The following TECR variants were observed in gnomAD, a reference collection of about 807,000 sequenced individuals.
The protein encoded by TECR is very-long-chain enoyl-CoA reductase.
TECR carries 19 observed loss-of-function variants against 50.6 expected under a neutral mutation model. The observed-to-expected ratio is 0.38, with a 90% confidence interval of 0.26 to 0.55. The LOEUF is 0.55. Ranked by LOEUF, TECR falls within the 20% of genes least tolerant of loss-of-function variation. The pLI, the probability that TECR is intolerant of heterozygous loss-of-function variation, is 0.79. For missense variants in TECR, 313 were observed against 408.3 expected (o/e 0.77, Z 2.01); for synonymous variants, 168 against 163.5 (o/e 1.03, Z -0.21).
chr19:14,543,419 A>ATATATTTTTTTTTTTTT (rs1568406034), intron 1 of TECR, among the ~76,000 whole-genome samples: 1 of 21,892 alleles, frequency 4.6e-5, no homozygotes, highest in African/African-American at 2.4e-4. Context: ...ATATATATAT[A>ATATATTTTTTTTTTTTT]TTTTTTTTTT....
intron 9 of TECR, 30 bp from the exon 10 acceptor site, chr19:14,565,036 G>A (rs2074034175): frequency 3.1e-6 from 5 of 1,613,866 alleles, no homozygotes; most frequent in African/African-American, 1.3e-5. Flanking sequence ...GAGTCTGGGC[G>A]GCCCTAGGCT....
chr19:14,564,928 C>T (rs1270813075), intron 8 of TECR, 21 bp from the exon 9 acceptor site: 1 of 1,614,000 alleles, frequency 6.2e-7, no homozygotes, highest in African/African-American at 1.3e-5. Context: ...TCATGGGCTC[C>T]CCTCCCTGCT....
Position 14,563,002 on chromosome 19 carries a change from G to A in TECR, c.67-204G>A. 1 of 638,740 alleles carries A rather than the reference G, an allele frequency of 1.6e-6. No homozygotes were observed. The highest frequency in any genetic ancestry group is 2.7e-5 in the East Asian group (1 of 36,434). 39.6% of individuals were successfully genotyped at this position (638,740 alleles called of 1,614,324 possible). A position where few individuals can be genotyped will look rare whatever the true frequency, so the allele number is the denominator to read the frequency against. On this transcript the variant is annotated intron_variant, in intron 2 of 12. Transcript: ENST00000215567. This position sits in a 1 kb window ranked among gnomAD's most constrained non-coding sequence, Gnocchi z 5.3. ...GGGGGCCTGCTGGCTGAGGGTAAAA[G>A]TGGAGCCCCAGACCCCTGCTGTCAC...
At chr19:14,543,042 T>G (rs1459365041) in intron 1 of TECR, among the ~76,000 whole-genome samples, 3 of 94,218 alleles carry the variant, frequency 3.2e-5, no homozygotes, top group South Asian at 3.5e-4. Flanking sequence ...GGCCAGAGCG[T>G]GGGATCTGGG....
chr19:14,542,345 G>GTGTTTTTT (rs2073123961), intron 1 of TECR, among the ~76,000 whole-genome samples: 11 of 61,000 alleles, frequency 1.8e-4, no homozygotes, highest in African/African-American at 5.7e-4. Context: ...TCATGCCATA[G>GTGTTTTTT]TGTTTTTTTT....
intron 1 of TECR, among the ~76,000 whole-genome samples, chr19:14,546,222 A>G (rs1294808937): frequency 1.3e-5 from 2 of 152,148 alleles, no homozygotes; most frequent in Admixed American, 1.3e-4. Context: ...ATCATAGATC[A>G]CACTGAAAGT....
Position 14,563,970 on chromosome 19 carries a change from C to G in TECR, c.268-12C>G, listed in dbSNP as rs200125385. 1.6e-4 allele frequency: 252 copies of G among 1,614,022 alleles called. 1 individual carries two copies. The African/African-American group carries it at 2.9e-3, about 18-fold the overall frequency. ...ACGTTGGGTGACTCATCTTGCCCCC[C>G]TCTACTCTCAGGTCTTCCTAACAGA... On this transcript the variant is annotated splice_polypyrimidine_tract_variant and intron_variant, in intron 5 of 12. Coordinates refer to ENST00000215567, the MANE Select transcript of TECR (RefSeq NM_138501.6). This position sits in a 1 kb window ranked among gnomAD's most constrained non-coding sequence, Gnocchi z 5.3.
chr19:14,534,423 CTTTTTTTTTTTTTTTTTTT>C (rs756051119), intron 1 of TECR, among the ~76,000 whole-genome samples: 2 of 52,452 alleles, frequency 3.8e-5, no homozygotes, highest in African/African-American at 1.9e-4. Flanking sequence ...CATGCCTGGC[CTTTTTTTTTTTTTTTTTTT>C]TTTTTTTTTT....
rs201634024 is a variant in TECR at position 14,563,843 on chromosome 19, C to G, written c.207C>G (p.Pro69=). Residue 69 remains proline (P), a synonymous_variant, in exon 5 of 13, where the codon CCC becomes CCG. Transcript: ENST00000215567. This position sits in a 1 kb window ranked among gnomAD's most constrained non-coding sequence, Gnocchi z 5.3. ...ATGAGGATGTTCTGCAGAAGCTGCC[C>G]GTGGGCACCACGGCCACACTGTACT... is the stretch of plus-strand genomic sequence containing the variant. The part of the protein sequence containing the change: ...LKDEDVLQKL[P]VGTTATLYFR... 7 of 1,613,942 alleles carry G rather than the reference C, an allele frequency of 4.3e-6. No individual in the cohort carries two copies. The highest frequency in any genetic ancestry group is 5.9e-6 in the Non-Finnish European group (7 of 1,179,944).
At chr19:14,544,507 A>T (rs1005205557) in intron 1 of TECR, among the ~76,000 whole-genome samples, 1 of 151,962 alleles carries the variant, frequency 6.6e-6, no homozygotes, top group African/African-American at 2.4e-5. Context: ...CGGCCATTCT[A>T]TGGGACTGGC....
intron 1 of TECR, among the ~76,000 whole-genome samples, chr19:14,537,636 T>C (rs1364784859): frequency 2.0e-5 from 3 of 152,164 alleles, no homozygotes; most frequent in African/African-American, 7.2e-5. Flanking sequence ...TTGCTGATAC[T>C]GATAGTGGCA....
At chr19:14,550,840 C>T (rs184758503) in intron 1 of TECR, among the ~76,000 whole-genome samples, 1 of 152,010 alleles carries the variant, frequency 6.6e-6, no homozygotes, top group Admixed American at 6.5e-5. Context: ...ACCACTATGC[C>T]CAGCTAATTT....
At chr19:14,555,536 C>T in intron 1 of TECR, among the ~76,000 whole-genome samples, 1 of 149,222 alleles carries the variant, frequency 6.7e-6, no homozygotes, top group Non-Finnish European at 1.5e-5. Context: ...ACCTCCATCT[C>T]CTGGGTTTAA....
chr19:14,551,590 G>A (rs2073507793), intron 1 of TECR, among the ~76,000 whole-genome samples: 1 of 152,124 alleles, frequency 6.6e-6, no homozygotes, highest in South Asian at 2.1e-4. Context: ...AGGCCCATTG[G>A]CTGTCTTAGC....
chr19:14,565,563 G>A, intron 11 of TECR, 55 bp from the exon 12 acceptor site: 2 of 1,579,752 alleles, frequency 1.3e-6, no homozygotes, highest in Admixed American at 1.8e-5. Context: ...GTCCAGGACA[G>A]CCACATACAC....
At chr19:14,564,380 C>T in intron 7 of TECR, 93 bp downstream of exon 7, 1 of 1,019,044 alleles carries the variant, frequency 9.8e-7, no homozygotes, top group Non-Finnish European at 1.4e-6. Flanking sequence ...CCCTTCCTGT[C>T]TGCCACTACG....
Position 14,563,833 on chromosome 19 carries a change from A to G in TECR, c.197A>G (p.Gln66Arg). Reference protein sequence around the residue: ...GKSLKDEDVLQKLPVGTTATL... With the variant: ...GKSLKDEDVLRKLPVGTTATL... ...TCCCTGAAGGATGAGGATGTTCTGCAGAAGCTGCCCGTGGGCACCACGGCC... is the reference window on the plus strand; with the variant it reads ...TCCCTGAAGGATGAGGATGTTCTGCGGAAGCTGCCCGTGGGCACCACGGCC... Residue 66 changes from glutamine to arginine, a missense_variant, in exon 5 of 13, where the codon CAG (glutamine) becomes CGG (arginine). Gln to Arg is a conservative substitution (Grantham distance 43). Transcript: ENST00000215567. The surrounding 1 kb of genome is among the most constrained non-coding windows in gnomAD (Gnocchi z 5.3). The G allele has an allele frequency of 1.2e-6, 2 of 1,613,980 alleles. No individual in the cohort carries two copies. Among genetic ancestry groups the G allele is most frequent in the East Asian group, 4.5e-5 (2 of 44,864 alleles).
At chr19:14,547,360 ATTTTATT>A (rs755739743) in intron 1 of TECR, among the ~76,000 whole-genome samples, 92 of 151,878 alleles carry the variant, frequency 6.1e-4, no homozygotes, top group Non-Finnish European at 9.3e-4. Context: ...ATTTTATTTT[ATTTTATT>A]TTATGTTTTT....
At chr19:14,550,628 C>T (rs1444041251) in intron 1 of TECR, among the ~76,000 whole-genome samples, 1 of 152,108 alleles carries the variant, frequency 6.6e-6, no homozygotes, top group Non-Finnish European at 1.5e-5. Context: ...AGTGTTTGGC[C>T]TTTACACTGG....
Sources: gnomAD v4.1 joint callset for allele counts (sites outside exome capture counted in the v4.1 genomes callset) on GRCh38, gnomAD v4.1.1 for gene constraint, Gnocchi (gnomAD v3.1) non-coding constraint, MANE v1.5 for transcripts, NCBI Gene and HGNC (gene_info 2026-07-23, HGNC 2026-07-21) for gene names.